COL23A1: variants seen among roughly 807,000 people sequenced by gnomAD.
COL23A1 encodes collagen type XXIII alpha 1 chain.
A neutral mutation model predicts 99.3 loss-of-function variants in COL23A1; 97 were observed. That is an observed-to-expected ratio of 0.98 (90% CI 0.83 to 1.16). The LOEUF is 1.16. COL23A1 is among the 50% of genes most tolerant of loss of function. The pLI is 0.00. For synonymous variants in COL23A1, 320 were observed against 308.2 expected, an observed-to-expected ratio of 1.04 and a Z score of -0.40; for missense variants, 762 against 757.4, an observed-to-expected ratio of 1.01 and a Z score of -0.07.
intron 1 of COL23A1, among the ~76,000 whole-genome samples, chr5:178,575,239 A>C (rs1033420649): frequency 6.6e-6 from 1 of 152,204 alleles, no homozygotes; most frequent in Admixed American, 6.5e-5. Context: ...GAAGTCAGCC[A>C]CAAAACTAAG....
rs186351239 is a variant in COL23A1, at chr5:178,475,561, T to A, written c.361+85121A>T. Among the ~76,000 whole-genome samples the A allele has an allele frequency of 4.6e-5, 7 of 152,358 alleles. No individual in the cohort carries two copies. The East Asian group carries it at 1.3e-3, about 29-fold the overall frequency. ...TTTGTTTGCGGCAATATAAAATGTATGCGATTACCCAATAGTGGCCTTGCC... is the reference window on the plus strand; with the variant it reads ...TTTGTTTGCGGCAATATAAAATGTAAGCGATTACCCAATAGTGGCCTTGCC... On this transcript the variant is annotated intron_variant, in intron 2 of 28. Transcript: ENST00000390654.
chr5:178,561,137 G>C (rs1192795468), intron 1 of COL23A1, among the ~76,000 whole-genome samples: 1 of 152,208 alleles, frequency 6.6e-6, no homozygotes, highest in Non-Finnish European at 1.5e-5. Flanking sequence ...TAATGCTCCA[G>C]GCGGCTTTCT....
chr5:178,322,829 C>T (rs1759403253), intron 2 of COL23A1, among the ~76,000 whole-genome samples: 1 of 152,162 alleles, frequency 6.6e-6, no homozygotes, highest in African/African-American at 2.4e-5. Flanking sequence ...AGCAACACTC[C>T]CAACACAGGC....
intron 2 of COL23A1, among the ~76,000 whole-genome samples, chr5:178,394,683 G>A (rs970633269): frequency 1.3e-5 from 2 of 152,214 alleles, no homozygotes; most frequent in African/African-American, 4.8e-5. Flanking sequence ...GGGGACTGCT[G>A]ATGGTCTGAC....
intron 2 of COL23A1, among the ~76,000 whole-genome samples, chr5:178,472,384 C>T (rs956109473): frequency 1.3e-5 from 2 of 152,062 alleles, no homozygotes; most frequent in Admixed American, 6.5e-5. Context: ...GGGTGTGGGG[C>T]GCACCTGGAG....
intron 2 of COL23A1, among the ~76,000 whole-genome samples, chr5:178,436,504 C>T (rs1211851922): frequency 6.6e-6 from 1 of 152,164 alleles, no homozygotes; most frequent in Non-Finnish European, 1.5e-5. Context: ...CACAGAACAC[C>T]AACTACGGTC....
chr5:178,385,200 G>A (rs2127742690), intron 2 of COL23A1, among the ~76,000 whole-genome samples: 1 of 152,264 alleles, frequency 6.6e-6, no homozygotes, highest in Non-Finnish European at 1.5e-5. Context: ...TCTGCTCCTG[G>A]AGCCTCTCAG....
At chr5:178,464,080 A>G (rs1756280947) in intron 2 of COL23A1, among the ~76,000 whole-genome samples, 1 of 152,212 alleles carries the variant, frequency 6.6e-6, no homozygotes, top group African/African-American at 2.4e-5. Context: ...AAAATGTACC[A>G]TCTTAACTAC....
chr5:178,487,950 G>C (rs1188820447), intron 2 of COL23A1, among the ~76,000 whole-genome samples: 1 of 152,216 alleles, frequency 6.6e-6, no homozygotes, highest in Non-Finnish European at 1.5e-5. Flanking sequence ...TGGGGGTTAA[G>C]AACAAATAAG....
intron 2 of COL23A1, among the ~76,000 whole-genome samples, chr5:178,452,040 A>C (rs1241428286): frequency 3.9e-5 from 6 of 152,170 alleles, no homozygotes; most frequent in Non-Finnish European, 5.9e-5. Context: ...AAAAATGCAA[A>C]AGTAGCTAGA....
At position 178,523,337 on chromosome 5, in the gene COL23A1, G is replaced by C. The variant is rs184562768; in HGVS notation, c.361+37345C>G. Among the ~76,000 whole-genome samples, 503 of 143,170 alleles carry C rather than the reference G, an allele frequency of 3.5e-3. 3 individuals carry two copies. Among genetic ancestry groups the C allele is most frequent in the African/African-American group, 0.012 (486 of 38,918 alleles). 93.9% of individuals were successfully genotyped at this position (143,170 alleles called of 152,430 possible). ...AGCTATTTGGGAGGCTGAAGCACGAGAATCGCTTGAACCTGGGAGGAGGAG... is the reference window on the plus strand; with the variant it reads ...AGCTATTTGGGAGGCTGAAGCACGACAATCGCTTGAACCTGGGAGGAGGAG... On this transcript the variant is annotated intron_variant, in intron 2 of 28. Coordinates refer to ENST00000390654, the MANE Select transcript of COL23A1 (RefSeq NM_173465.4).
rs139003960 is a variant in COL23A1 at position 178,485,331 on chromosome 5, T to C, written c.361+75351A>G. Among the ~76,000 whole-genome samples, 392 of 151,264 alleles carry C rather than the reference T, an allele frequency of 2.6e-3. 2 individuals carry two copies. The highest frequency in any genetic ancestry group is 9.0e-3 in the African/African-American group (371 of 41,162). On this transcript the variant is annotated intron_variant, in intron 2 of 28. Transcript: ENST00000390654. ...TACAAAAAATACCAGAAAAATTAGC[T>C]GGGCGTGGTGGTGTGTGCCTGTAGT... is the stretch of plus-strand genomic sequence containing the variant.
At chr5:178,500,240 A>C (rs1421456536) in intron 2 of COL23A1, among the ~76,000 whole-genome samples, 3 of 152,036 alleles carry the variant, frequency 2.0e-5, no homozygotes, top group African/African-American at 7.3e-5. Context: ...AACTTACCAA[A>C]CTGTACACTT....
chr5:178,548,055 A>C (rs1375309755), intron 2 of COL23A1, among the ~76,000 whole-genome samples: 5 of 8,770 alleles, frequency 5.7e-4, no homozygotes, highest in Admixed American at 2.1e-3. Flanking sequence ...ACCCACACAC[A>C]CATACCCCCC....
intron 22 of COL23A1, 25 bp downstream of exon 22, chr5:178,247,501 A>C (rs763533423): frequency 3.6e-5 from 58 of 1,613,690 alleles, no homozygotes; most frequent in Non-Finnish European, 4.7e-5. Context: ...GTCTGAGGCC[A>C]GTAGAGGGGT....
At chr5:178,557,096 G>A (rs7700779) in intron 2 of COL23A1, among the ~76,000 whole-genome samples, 5,607 of 152,300 alleles carry the variant, frequency 0.037, 327 homozygotes, top group African/African-American at 0.13. Flanking sequence ...CTCAGGGAGA[G>A]TCCCTCCCAC....
In COL23A1 at chr5:178,259,552, C is replaced by T. The variant is rs116776639; in HGVS notation, c.729+169G>A. Among the ~76,000 whole-genome samples, 3,191 of 152,324 alleles carry T rather than the reference C, an allele frequency of 0.021. 110 individuals carry two copies. The highest frequency in any genetic ancestry group is 0.073 in the African/African-American group (3,024 of 41,552). Reference sequence around the variant, plus strand: ...CTCAGGGAGAGCGAGGACAGGGCAGCCACCTGCAGTGAGGGCTCAGGGCTG... The same window carrying T: ...CTCAGGGAGAGCGAGGACAGGGCAGTCACCTGCAGTGAGGGCTCAGGGCTG... On this transcript the variant is annotated intron_variant, in intron 12 of 28. Transcript: ENST00000390654.
chr5:178,549,555 C>T (rs1013079072), intron 2 of COL23A1, among the ~76,000 whole-genome samples: 2 of 152,134 alleles, frequency 1.3e-5, no homozygotes, highest in Non-Finnish European at 2.9e-5. Flanking sequence ...ATGGCTCATG[C>T]CTGTAATCCC....
chr5:178,372,464 A>C (rs149283297), intron 2 of COL23A1, among the ~76,000 whole-genome samples: 47 of 152,378 alleles, frequency 3.1e-4, no homozygotes, highest in African/African-American at 1.1e-3. Flanking sequence ...GGGAAAAAAC[A>C]GGGCTGGAGA....
Sources: allele counts gnomAD v4.1 joint callset (sites outside exome capture counted in the v4.1 genomes callset), GRCh38; gene constraint gnomAD v4.1.1; transcripts MANE v1.5; gene names NCBI Gene and HGNC (gene_info 2026-07-23, HGNC 2026-07-21).